The following HPSE2 variants were observed in gnomAD, a reference collection of about 807,000 sequenced individuals.
HPSE2 encodes inactive heparanase-2.
Under a neutral mutation model 60.5 loss-of-function variants are expected in HPSE2, and 38 were observed. The observed-to-expected ratio is 0.63, with a 90% CI of 0.48 to 0.82. The LOEUF (loss-of-function observed/expected upper bound fraction) is 0.82. HPSE2 is among the 40% of genes least tolerant of loss of function. The pLI, the probability that HPSE2 is intolerant of heterozygous loss-of-function variation, is 0.00. For missense variants in HPSE2, 713 were observed against 740.4 expected (o/e 0.96, Z 0.43); for synonymous variants, 295 against 293.2 (o/e 1.01, Z -0.06).
chr10:98,955,465 C>T (rs1955483407), intron 3 of HPSE2, among the ~76,000 whole-genome samples: 1 of 152,054 alleles, frequency 6.6e-6, no homozygotes, highest in Admixed American at 6.6e-5. Context: ...ACAACAGATG[C>T]TGGTGAGGCT....
At chr10:99,021,076 C>A (rs1480085165) in intron 3 of HPSE2, among the ~76,000 whole-genome samples, 1 of 152,168 alleles carries the variant, frequency 6.6e-6, no homozygotes, top group Non-Finnish European at 1.5e-5. Context: ...TCGAAATTAT[C>A]TGATCCCTCC....
intron 6 of HPSE2, among the ~76,000 whole-genome samples, chr10:98,643,069 T>C (rs999918597): frequency 1.8e-4 from 28 of 152,226 alleles, no homozygotes; most frequent in Admixed American, 6.5e-5. Context: ...CTACTCAGCT[T>C]TCCTTTTGGC....
chr10:99,220,993 C>T (rs1232089806), intron 2 of HPSE2, among the ~76,000 whole-genome samples: 1 of 151,038 alleles, frequency 6.6e-6, no homozygotes, highest in Non-Finnish European at 1.5e-5. Flanking sequence ...TACAGGTGCC[C>T]GCCATCACGC....
intron 3 of HPSE2, among the ~76,000 whole-genome samples, chr10:98,852,113 A>ATGTGTG (rs1555017138): frequency 3.1e-3 from 285 of 91,914 alleles, no homozygotes; most frequent in African/African-American, 7.2e-3. Flanking sequence ...GTATATTATG[A>ATGTGTG]TGTGTGTGTG....
chr10:98,555,707 T>C (rs906022986), intron 9 of HPSE2, among the ~76,000 whole-genome samples: 3 of 152,226 alleles, frequency 2.0e-5, no homozygotes, highest in Non-Finnish European at 4.4e-5. Context: ...TTTTGGTTTT[T>C]AAAACTGTGA....
intron 6 of HPSE2, among the ~76,000 whole-genome samples, chr10:98,652,888 G>T (rs141380544): frequency 1.3e-5 from 2 of 152,114 alleles, no homozygotes; most frequent in African/African-American, 4.8e-5. Flanking sequence ...CAAGGAGCTA[G>T]GAGAGCTGGT....
At chr10:98,981,370 G>A (rs182718498) in intron 3 of HPSE2, among the ~76,000 whole-genome samples, 1 of 152,196 alleles carries the variant, frequency 6.6e-6, no homozygotes, top group African/African-American at 2.4e-5. Flanking sequence ...GAAGAGTATG[G>A]CTTTGGAGTT....
chr10:98,614,701 A>ATGTGTGTGTGTGTGTGTG (rs141443710), intron 9 of HPSE2, among the ~76,000 whole-genome samples: 107 of 149,018 alleles, frequency 7.2e-4, no homozygotes, highest in African/African-American at 2.5e-3. Flanking sequence ...GAGTGAACAG[A>ATGTGTGTGTGTGTGTGTG]TGTGTGTGTG....
chr10:99,082,126 C>T (rs533936045), intron 3 of HPSE2, among the ~76,000 whole-genome samples: 2 of 152,074 alleles, frequency 1.3e-5, no homozygotes, highest in Non-Finnish European at 1.5e-5. Flanking sequence ...CTGCTGCACA[C>T]GAATTTATAA....
Position 99,130,786 on chromosome 10 carries a change from G to A in HPSE2, c.610+13452C>T, listed in dbSNP as rs141269929. 3.5e-3 allele frequency among the ~76,000 whole-genome samples: 527 copies of A among 152,250 alleles called. 3 individuals carry two copies. Among genetic ancestry groups the A allele is most frequent in the African/African-American group, 0.012 (496 of 41,534 alleles). Reference sequence around the variant, plus strand: ...CCCGGGGCTTTGGGAGTTATCAATCGGACAAATTCCTGGAAACTGTGGATA... The same window carrying A: ...CCCGGGGCTTTGGGAGTTATCAATCAGACAAATTCCTGGAAACTGTGGATA... On this transcript the variant is annotated intron_variant, in intron 3 of 11. Transcript: ENST00000370552.
At chr10:99,134,697 C>T (rs1349544625) in intron 3 of HPSE2, among the ~76,000 whole-genome samples, 1 of 152,198 alleles carries the variant, frequency 6.6e-6, no homozygotes, top group Non-Finnish European at 1.5e-5. Flanking sequence ...ACCAGGCTTG[C>T]CTTACAAGAG....
chr10:98,585,399 G>A (rs1329590584), intron 9 of HPSE2, among the ~76,000 whole-genome samples: 1 of 150,844 alleles, frequency 6.6e-6, no homozygotes, highest in South Asian at 2.1e-4. Flanking sequence ...AGCCTCCCAA[G>A]TAGCTGGGAT....
chr10:99,236,530 C>T (rs887272409), upstream of HPSE2, among the ~76,000 whole-genome samples: 6 of 152,086 alleles, frequency 3.9e-5, no homozygotes, highest in Admixed American at 2.6e-4. Flanking sequence ...GCGGTGATTC[C>T]TGTCAAAGCA....
chr10:99,270,128 A>C, the HPSE2 span, among the ~76,000 whole-genome samples: 1 of 152,226 alleles, frequency 6.6e-6, no homozygotes, highest in East Asian at 1.9e-4. Flanking sequence ...AGAAATAACA[A>C]GATCAGAGAA....
intron 9 of HPSE2, among the ~76,000 whole-genome samples, chr10:98,574,150 C>T (rs1017384102): frequency 2.0e-5 from 3 of 151,400 alleles, no homozygotes; most frequent in Non-Finnish European, 4.4e-5. Flanking sequence ...AACATATGGT[C>T]CTTTGTGACT....
At chr10:98,506,762 C>A (rs546002326) in intron 9 of HPSE2, among the ~76,000 whole-genome samples, 1 of 152,338 alleles carries the variant, frequency 6.6e-6, no homozygotes. Flanking sequence ...CTGAACCCGG[C>A]CTGATTTTCC....
intron 3 of HPSE2, among the ~76,000 whole-genome samples, chr10:98,798,582 G>A (rs1950833558): frequency 6.6e-6 from 1 of 152,096 alleles, no homozygotes; most frequent in Non-Finnish European, 1.5e-5. Flanking sequence ...AAAATTGAGG[G>A]GATGAAGTTA....
intron 2 of HPSE2, among the ~76,000 whole-genome samples, chr10:99,189,980 C>T (rs1378176559): frequency 6.6e-6 from 1 of 152,180 alleles, no homozygotes; most frequent in Admixed American, 6.5e-5. Flanking sequence ...GCGAACTAGC[C>T]TAGGTGGATA....
chr10:99,160,341 A>T (rs74321202), intron 2 of HPSE2, among the ~76,000 whole-genome samples: 1 of 152,148 alleles, frequency 6.6e-6, no homozygotes, highest in Non-Finnish European at 1.5e-5. Context: ...ATCATTATTC[A>T]TTAGAGAAAT....
Sources: gnomAD v4.1 joint callset for allele counts (sites outside exome capture counted in the v4.1 genomes callset) on GRCh38, gnomAD v4.1.1 for gene constraint, MANE v1.5 for transcripts, NCBI Gene and HGNC (gene_info 2026-07-23, HGNC 2026-07-21) for gene names.